The following TXNDC8 variants were observed in gnomAD, a reference collection of about 807,000 sequenced individuals.
TXNDC8 encodes the protein thioredoxin domain containing 8.
Under a neutral mutation model 12.9 loss-of-function variants are expected in TXNDC8, and 15 were observed. The ratio of observed to expected loss-of-function variants is 1.16; its 90% CI spans 0.78 to 1.79. The LOEUF (loss-of-function observed/expected upper bound fraction) is 1.79, where lower values mean the gene tolerates loss of function less well. Ranked by LOEUF, TXNDC8 falls within the 40% of genes most tolerant of loss-of-function variation. The pLI is 0.00. For synonymous variants in TXNDC8, 40 were observed against 35.4 expected, an observed-to-expected ratio of 1.13 and a Z score of -0.46; for missense variants, 128 against 113.2, an observed-to-expected ratio of 1.13 and a Z score of -0.59.
At chr9:110,305,848 T>A in intron 3 of TXNDC8, among the ~76,000 whole-genome samples, 1 of 135,848 alleles carries the variant, frequency 7.4e-6, no homozygotes, top group Admixed American at 7.6e-5. Flanking sequence ...TTTCTTTTCT[T>A]TTCTTTCTTT....
intron 3 of TXNDC8, among the ~76,000 whole-genome samples, chr9:110,311,549 A>G (rs574983738): frequency 0.019 from 2,539 of 132,758 alleles, 228 homozygotes; most frequent in African/African-American, 0.068. Flanking sequence ...ATATATATAT[A>G]TATATATATC....
intron 2 of TXNDC8, 62 bp from the exon 4 acceptor site, chr9:110,326,302 T>C: frequency 6.4e-7 from 1 of 1,562,902 alleles, no homozygotes; most frequent in Non-Finnish European, 8.8e-7. Flanking sequence ...GTACCAAGCA[T>C]GTTATTTGGT....
intron 3 of TXNDC8, among the ~76,000 whole-genome samples, chr9:110,305,836 C>G (rs1328804683): frequency 9.9e-6 from 1 of 100,682 alleles, no homozygotes; most frequent in East Asian, 6.1e-4. Flanking sequence ...CCTTTCTTTT[C>G]CTTTCTTTTC....
intron 2 of TXNDC8, among the ~76,000 whole-genome samples, chr9:110,331,145 T>C (rs1189125455): frequency 1.3e-5 from 2 of 152,364 alleles, no homozygotes; most frequent in East Asian, 3.9e-4. Context: ...ACTAGTCAGA[T>C]GCATGCCAGT....
intron 2 of TXNDC8, among the ~76,000 whole-genome samples, chr9:110,327,234 T>C (rs1331065411): frequency 1.3e-5 from 2 of 152,056 alleles, no homozygotes; most frequent in African/African-American, 2.4e-5. Context: ...AGAGTTACCA[T>C]ATTACCCCAA....
chr9:110,324,797 A>G (rs912143081), intron 3 of TXNDC8, among the ~76,000 whole-genome samples: 5 of 152,196 alleles, frequency 3.3e-5, no homozygotes, highest in Admixed American at 1.3e-4. Flanking sequence ...AAAATTGCCA[A>G]TGCCCCCGGC....
intron 2 of TXNDC8, 68 bp from the exon 3 acceptor site, chr9:110,329,359 C>G: frequency 1.6e-6 from 2 of 1,272,486 alleles, no homozygotes; most frequent in Non-Finnish European, 2.2e-6. Flanking sequence ...CTGGAAGTGT[C>G]TTTTCAGTAG....
intron 2 of TXNDC8, among the ~76,000 whole-genome samples, chr9:110,333,788 CAT>C (rs1839636634): frequency 6.6e-6 from 1 of 152,066 alleles, no homozygotes; most frequent in Admixed American, 6.6e-5. Context: ...ATAACAAAGA[CAT>C]ATGGTTTGTT....
At chr9:110,306,898 A>G (rs111413772) in intron 3 of TXNDC8, among the ~76,000 whole-genome samples, 168 of 152,118 alleles carry the variant, frequency 1.1e-3, no homozygotes, top group African/African-American at 3.9e-3. Flanking sequence ...CTTTCCCACT[A>G]CACCAAGGAT....
chr9:110,306,676 A>G (rs189818776), intron 3 of TXNDC8, among the ~76,000 whole-genome samples: 68 of 152,312 alleles, frequency 4.5e-4, no homozygotes, highest in Admixed American at 4.4e-3. Context: ...TGCTAGTGAT[A>G]ACTTTTTACT....
chr9:110,317,550 A>G (rs1838931527), intron 3 of TXNDC8, among the ~76,000 whole-genome samples: 1 of 152,218 alleles, frequency 6.6e-6, no homozygotes, highest in Non-Finnish European at 1.5e-5. Flanking sequence ...CCATCATACT[A>G]TAGCCTCACT....
At chr9:110,316,122 C>T (rs1028895719) in intron 3 of TXNDC8, among the ~76,000 whole-genome samples, 1 of 150,202 alleles carries the variant, frequency 6.7e-6, no homozygotes, top group Non-Finnish European at 1.5e-5. Flanking sequence ...CTACTACCTG[C>T]TAGGCTGGTC....
chr9:110,334,150 T>A, intron 2 of TXNDC8, 66 bp downstream of exon 2: 1 of 1,395,818 alleles, frequency 7.2e-7, no homozygotes, highest in South Asian at 1.3e-5. Context: ...TAAGAATTAC[T>A]GGGAAAAATA....
intron 2 of TXNDC8, among the ~76,000 whole-genome samples, chr9:110,330,608 C>T (rs1345508571): frequency 6.6e-6 from 1 of 152,216 alleles, no homozygotes; most frequent in African/African-American, 2.4e-5. Context: ...TTTCAGGGAT[C>T]TATGCCTAGT....
At chr9:110,325,372 G>A (rs1437023019) in intron 3 of TXNDC8, among the ~76,000 whole-genome samples, 2 of 152,076 alleles carry the variant, frequency 1.3e-5, no homozygotes, top group Non-Finnish European at 2.9e-5. Context: ...TACTCAAGGC[G>A]CTACAGCTAG....
chr9:110,312,705 C>T (rs538522319), intron 3 of TXNDC8, among the ~76,000 whole-genome samples: 3 of 152,334 alleles, frequency 2.0e-5, no homozygotes, highest in African/African-American at 7.2e-5. Flanking sequence ...TATACAAATA[C>T]TCAGTCCAAG....
intron 3 of TXNDC8, among the ~76,000 whole-genome samples, chr9:110,305,056 G>A (rs968829262): frequency 6.8e-6 from 1 of 147,046 alleles, no homozygotes; most frequent in Admixed American, 7.2e-5. Context: ...GCGGAGGCAC[G>A]AGAATCACTT....
At chr9:110,309,135 A>G (rs76857813) in intron 3 of TXNDC8, among the ~76,000 whole-genome samples, 8,592 of 152,162 alleles carry the variant, frequency 0.056, 298 homozygotes, top group Middle Eastern at 0.088. Context: ...TTTTTCTCTG[A>G]AAATTAATCT....
chr9:110,309,216 G>A (rs908262060), intron 3 of TXNDC8, among the ~76,000 whole-genome samples: 2 of 152,152 alleles, frequency 1.3e-5, no homozygotes, highest in Non-Finnish European at 2.9e-5. Flanking sequence ...AACAACATTT[G>A]CTCCTTCCAG....
Sources: allele counts gnomAD v4.1 joint callset (sites outside exome capture counted in the v4.1 genomes callset), GRCh38; gene constraint gnomAD v4.1.1; transcripts MANE v1.5; gene names NCBI Gene and HGNC (gene_info 2026-07-23, HGNC 2026-07-21).